The following FAT2 variants were observed in gnomAD, a reference collection of about 807,000 sequenced individuals.
FAT2 encodes the protein protocadherin Fat 2.
A neutral mutation model predicts 295.3 loss-of-function variants in FAT2; 150 were observed. That is an observed-to-expected ratio of 0.51 (90% CI 0.44 to 0.58). The LOEUF is 0.58. Ranked by LOEUF, FAT2 falls within the 20% of genes least tolerant of loss-of-function variation. FAT2 has a pLI of 0.00. For synonymous variants in FAT2, 2,026 were observed against 2,150.3 expected, an observed-to-expected ratio of 0.94 and a Z score of 1.60; for missense variants, 4,868 against 5,442.7, an observed-to-expected ratio of 0.89 and a Z score of 3.32.
intron 12 of FAT2, among the ~76,000 whole-genome samples, chr5:151,537,114 A>G (rs1268144573): frequency 6.6e-6 from 1 of 152,092 alleles, no homozygotes; most frequent in African/African-American, 2.4e-5. Context: ...TTCTGCTGTC[A>G]AATATTCCCA....
intron 3 of FAT2, among the ~76,000 whole-genome samples, chr5:151,556,800 G>A (rs3097776): frequency 6.6e-6 from 1 of 151,980 alleles, no homozygotes; most frequent in Non-Finnish European, 1.5e-5. Context: ...CAAGGCTAAG[G>A]TATCATGTTC....
rs536715089 is a variant in FAT2, at chr5:151,576,782, T to C, written c.-20-7831A>G. Among the ~76,000 whole-genome samples the C allele has an allele frequency of 8.6e-5, 13 of 151,998 alleles. No individual in the cohort carries two copies. In the South Asian group the frequency reaches 2.5e-3, roughly 29 times the overall value. On this transcript the variant is annotated intron_variant, in intron 1 of 23. Coordinates refer to ENST00000261800, the MANE Select transcript of FAT2 (RefSeq NM_001447.3). ...AATTTCTCTCCTTAGTAGTAGGGAG[T>C]CATTCATGGTTTTTGAGAAGTTTGC...
intron 1 of FAT2, among the ~76,000 whole-genome samples, chr5:151,586,840 G>A (rs1759189521): frequency 6.6e-6 from 1 of 152,124 alleles, no homozygotes; most frequent in African/African-American, 2.4e-5. Context: ...TATAATTGTT[G>A]ACCAGGCACA....
At position 151,544,144 on chromosome 5, in the gene FAT2, G is replaced by A. The variant is rs762138073; in HGVS notation, c.6983C>T (p.Thr2328Ile). 6.2e-7 allele frequency: 1 copy of A among 1,614,176 alleles called. No individual in the cohort carries two copies. Among genetic ancestry groups the A allele is most frequent in the Non-Finnish European group, 8.5e-7 (1 of 1,180,034 alleles). ...TTCTTGAACTGTGGACATCTCCCCT[G>A]TGCTCCCATTGATCTGGAAGAACTT... Reference protein sequence around the residue: ...VSKFFQINGSTGEMSTVQELD... With the variant: ...VSKFFQINGSIGEMSTVQELD... Residue 2328 changes from threonine to isoleucine, a missense_variant, in exon 10 of 24, where the codon ACA becomes ATA. Thr to Ile is a moderately conservative substitution (Grantham distance 89). Coordinates refer to ENST00000261800, the MANE Select transcript of FAT2 (RefSeq NM_001447.3).
chr5:151,591,045 C>G (rs1759383083), intron 1 of FAT2, among the ~76,000 whole-genome samples, 120 bp downstream of exon 1: 1 of 152,230 alleles, frequency 6.6e-6, no homozygotes, highest in African/African-American at 2.4e-5. Flanking sequence ...CCAGCCATCT[C>G]CTGCTTCCTT....
At chr5:151,564,026 A>G (rs1453495887) in intron 2 of FAT2, among the ~76,000 whole-genome samples, 1 of 152,314 alleles carries the variant, frequency 6.6e-6, no homozygotes, top group African/African-American at 2.4e-5. Context: ...TGTTTCCTTC[A>G]CACTTTATGT....
intron 1 of FAT2, among the ~76,000 whole-genome samples, chr5:151,587,857 G>A (rs1295979067): frequency 6.6e-6 from 1 of 152,260 alleles, no homozygotes; most frequent in African/African-American, 2.4e-5. Context: ...AGAGGGTGAT[G>A]TGGGCAGTTG....
chr5:151,537,088 C>T (rs1001818597), intron 12 of FAT2, among the ~76,000 whole-genome samples: 7 of 151,982 alleles, frequency 4.6e-5, no homozygotes, highest in South Asian at 2.1e-4. Context: ...TAAGATCCTC[C>T]GTAGCCAAAG....
intron 12 of FAT2, among the ~76,000 whole-genome samples, chr5:151,537,211 GGAA>G (rs746077350): frequency 5.1e-5 from 7 of 135,988 alleles, no homozygotes; most frequent in African/African-American, 1.7e-4. Flanking sequence ...AAGAAGAAGA[GGAA>G]GAAGAAGAGG....
Position 151,550,722 on chromosome 5 carries a change from G to C in FAT2, c.4446C>G (p.Ile1482Met). ...GGTCTTGGCTGCCATGTATGGTATA[G>C]ATGAGGCTTTTGCCCTTGTCTTGAT... Reference protein sequence around the residue: ...AIDQDKGKSLIYTIHGSQDPG... With the variant: ...AIDQDKGKSLMYTIHGSQDPG... Residue 1482 changes from isoleucine (I) to methionine (M), a missense_variant, in exon 8 of 24, where the codon ATC becomes ATG. Ile to Met is a conservative substitution (Grantham distance 10, BLOSUM62 1). Around this residue, in one of 5 missense-constraint regions of FAT2, gnomAD observed 3,297 missense variants for 3,669.4 expected, o/e 0.90. Coordinates refer to ENST00000261800, the MANE Select transcript of FAT2 (RefSeq NM_001447.3). 6.2e-7 allele frequency: 1 copy of C among 1,614,206 alleles called. No individual in the cohort carries two copies. The highest frequency in any genetic ancestry group is 1.1e-5 in the South Asian group (1 of 91,078).
At chr5:151,528,179 A>AC in intron 15 of FAT2, 46 bp from the exon 16 acceptor site, 2 of 1,604,558 alleles carry the variant, frequency 1.2e-6, no homozygotes, top group Non-Finnish European at 1.7e-6. Context: ...AGGAATCTTG[A>AC]CCCCTGGGAG....
At chr5:151,591,923 AATTCTT>A (rs1402065312), upstream of FAT2, among the ~76,000 whole-genome samples, 5 of 152,174 alleles carry the variant, frequency 3.3e-5, no homozygotes, top group African/African-American at 4.8e-5. Context: ...CATAAAAGGT[AATTCTT>A]ATTCTTATTG....
In FAT2 at chr5:151,521,302, T is replaced by C. The variant is rs767199738; in HGVS notation, c.11291A>G (p.His3764Arg). 1 of 1,611,194 alleles carries C rather than the reference T, an allele frequency of 6.2e-7. No individual in the cohort carries two copies. ...ARLSILTPRH[H>R]LQRSCSCNGT... The stretch of plus-strand genomic sequence containing the variant: ...ATTGCAGGAGCAGCTCCTCTGCAGG[T>C]GGTGCCGCGGGGTTAGGATGCTGAG... Residue 3764 changes from histidine (H) to arginine (R), a missense_variant, in exon 19 of 24, where the codon CAC (histidine) becomes CGC (arginine). This residue lies in a region of FAT2 where 1,046 missense variants were observed against 1,210.1 expected (regional missense o/e 0.86). Transcript: ENST00000261800.
chr5:151,534,934 C>A (rs981909976), intron 12 of FAT2, among the ~76,000 whole-genome samples: 4 of 138,728 alleles, frequency 2.9e-5, no homozygotes, highest in African/African-American at 7.8e-5. Context: ...ATATAAAATG[C>A]ATTTATCCTT....
chr5:151,558,938 G>A (rs929519958), intron 3 of FAT2, among the ~76,000 whole-genome samples: 3 of 152,202 alleles, frequency 2.0e-5, no homozygotes, highest in Admixed American at 6.5e-5. Flanking sequence ...TGGTGTGGAC[G>A]GTCTCTTGTA....
chr5:151,550,810 T>A lies in FAT2; in HGVS notation c.4358A>T (p.Tyr1453Phe). The A allele has an allele frequency of 6.2e-7, 1 of 1,613,924 alleles. No homozygotes were observed. Among genetic ancestry groups the A allele is most frequent in the Non-Finnish European group, 8.5e-7 (1 of 1,180,008 alleles). The change falls in exon 8 of 24, where the codon TAT becomes TTT. Residue 1453 changes from tyrosine (Y) to phenylalanine (F), a missense_variant. Physicochemically the swap from Tyr to Phe is conservative, Grantham distance 22. Coordinates refer to ENST00000261800, the MANE Select transcript of FAT2 (RefSeq NM_001447.3). ...GGTGTCCTGGGGAACTCTGACTTCA[T>A]AACGAGTTTCCAGAAACTGGGGCCG... ...HHRPQFLETR[Y>F]EVRVPQDTVP...
In FAT2 at chr5:151,531,824, G is replaced by A. The variant is rs201363549; in HGVS notation, c.9574C>T (p.Leu3192=). The A allele has an allele frequency of 6.2e-7, 1 of 1,613,866 alleles. No homozygotes were observed. Among genetic ancestry groups the A allele is most frequent in the South Asian group, 1.1e-5 (1 of 91,078 alleles). Residue 3192 remains leucine (L), a synonymous_variant, in exon 14 of 24, where the codon CTG becomes TTG. Coordinates refer to ENST00000261800, the MANE Select transcript of FAT2 (RefSeq NM_001447.3). This position sits in a 1 kb window ranked among gnomAD's most constrained non-coding sequence, Gnocchi z 5.7. ...GTGGACAGCGGTATTGGGGTGCCCA[G>A]GTCAGAGGCACGGACCGTGAGCTCC... is the stretch of plus-strand genomic sequence containing the variant. ...PLELTVRASD[L]GTPIPLSTLG... is the part of the protein sequence containing the mutation.
rs1028404882 is a variant in FAT2 at position 151,505,491 on chromosome 5, C to T, written c.*74G>A. 22 of 1,571,938 alleles carry T rather than the reference C, an allele frequency of 1.4e-5. No homozygotes were observed. Among genetic ancestry groups the T allele is most frequent in the African/African-American group, 2.7e-5 (2 of 73,018 alleles). ...ACTCTCCCAGCCACACTCAACTCAC[C>T]CCCTACGAGACAGGAAGAAATAAGC... On this transcript the variant is annotated 3_prime_UTR_variant, in exon 24 of 24. Coordinates refer to ENST00000261800, the MANE Select transcript of FAT2 (RefSeq NM_001447.3).
chr5:151,548,515 G>A (rs1008287213), intron 9 of FAT2, among the ~76,000 whole-genome samples: 6 of 151,936 alleles, frequency 3.9e-5, no homozygotes, highest in South Asian at 2.1e-4. Flanking sequence ...GAGTCTTGCT[G>A]TGTCGCCCAG....
Sources: allele counts gnomAD v4.1 joint callset (sites outside exome capture counted in the v4.1 genomes callset), GRCh38; gene constraint gnomAD v4.1.1; regional missense constraint gnomAD v4.1.1; non-coding constraint Gnocchi (gnomAD v3.1); transcripts MANE v1.5; gene names NCBI Gene and HGNC (gene_info 2026-07-23, HGNC 2026-07-21).